Variants in C10orf90 observed in about 807,000 individuals in gnomAD.
C10orf90 encodes (E2-independent) E3 ubiquitin-conjugating enzyme FATS.
C10orf90 carries 56 observed loss-of-function variants against 62.5 expected under a neutral mutation model. That is an observed-to-expected ratio of 0.90 (90% CI 0.72 to 1.12). C10orf90 has a LOEUF of 1.12. C10orf90 is among the 50% of genes most tolerant of loss of function. The pLI is 0.00. For missense variants in C10orf90, 970 were observed against 880.4 expected, an observed-to-expected ratio of 1.10 and a Z score of -1.29; for synonymous variants, 386 against 340.4, an observed-to-expected ratio of 1.13 and a Z score of -1.47.
At chr10:126,558,411 C>T (rs571586412) in intron 2 of C10orf90, among the ~76,000 whole-genome samples, 8 of 152,312 alleles carry the variant, frequency 5.3e-5, no homozygotes, top group African/African-American at 1.9e-4. Flanking sequence ...TCCCACCTGG[C>T]CAGCCTCATC....
intron 7 of C10orf90, among the ~76,000 whole-genome samples, chr10:126,442,507 A>C (rs1219004781): frequency 8.8e-6 from 1 of 113,144 alleles, no homozygotes. Flanking sequence ...ATATATATAT[A>C]TCTGTTAAGT....
chr10:126,578,911 G>C (rs1241595142), intron 2 of C10orf90, among the ~76,000 whole-genome samples: 1 of 152,134 alleles, frequency 6.6e-6, no homozygotes, highest in Non-Finnish European at 1.5e-5. Context: ...ATCCCAGAAG[G>C]GAGTGGCTAA....
At chr10:126,449,789 G>T (rs1054833302) in intron 7 of C10orf90, among the ~76,000 whole-genome samples, 1 of 152,114 alleles carries the variant, frequency 6.6e-6, no homozygotes, top group African/African-American at 2.4e-5. Context: ...ACAAGGTCAG[G>T]AGTTTGAAAC....
At chr10:126,571,508 C>A (rs1269658178) in intron 2 of C10orf90, among the ~76,000 whole-genome samples, 1 of 152,188 alleles carries the variant, frequency 6.6e-6, no homozygotes, top group Admixed American at 6.5e-5. Flanking sequence ...CATACCTGCA[C>A]CCTGGAAGGA....
chr10:126,487,372 A>G (rs1000898312), intron 4 of C10orf90, among the ~76,000 whole-genome samples: 1 of 152,200 alleles, frequency 6.6e-6, no homozygotes, highest in Non-Finnish European at 1.5e-5. Flanking sequence ...GTAATGAAGC[A>G]TAACACTAAG....
At chr10:126,631,202 C>G (rs928280243) in intron 2 of C10orf90, among the ~76,000 whole-genome samples, 22 of 152,192 alleles carry the variant, frequency 1.4e-4, no homozygotes, top group African/African-American at 5.3e-4. Context: ...TTAGCAGCTT[C>G]TCCTGCACCA....
chr10:126,655,177 G>A (rs1270563045), intron 1 of C10orf90, among the ~76,000 whole-genome samples: 1 of 152,064 alleles, frequency 6.6e-6, no homozygotes, highest in African/African-American at 2.4e-5. Flanking sequence ...AATTAGCTGG[G>A]CATGGTGGCA....
intron 7 of C10orf90, among the ~76,000 whole-genome samples, chr10:126,450,057 C>T (rs1859071755): frequency 6.7e-6 from 1 of 148,968 alleles, no homozygotes. Flanking sequence ...AAAAAGAAAT[C>T]AAGAAAACAA....
At chr10:126,627,928 G>C (rs1421205630) in intron 2 of C10orf90, among the ~76,000 whole-genome samples, 3 of 152,178 alleles carry the variant, frequency 2.0e-5, no homozygotes, top group Non-Finnish European at 4.4e-5. Flanking sequence ...GAATAGTGCT[G>C]GTTGATTTCT....
chr10:126,538,494 T>C (rs75645408), intron 2 of C10orf90, among the ~76,000 whole-genome samples: 1 of 152,316 alleles, frequency 6.6e-6, no homozygotes, highest in East Asian at 1.9e-4. Flanking sequence ...TCCAGAACTG[T>C]GCATCAATAA....
At chr10:126,597,159 T>C (rs2164584) in intron 2 of C10orf90, among the ~76,000 whole-genome samples, 23,724 of 152,222 alleles carry the variant, frequency 0.16, 3,788 homozygotes, top group African/African-American at 0.4. Context: ...CTTATAAAGT[T>C]AAATATATGT....
intron 2 of C10orf90, among the ~76,000 whole-genome samples, chr10:126,603,464 C>T (rs1392930180): frequency 6.6e-6 from 1 of 152,134 alleles, no homozygotes; most frequent in African/African-American, 2.4e-5. Flanking sequence ...ATGGGAATTA[C>T]AATTCAAGAT....
At chr10:126,528,858 C>G (rs1240860091) in intron 2 of C10orf90, among the ~76,000 whole-genome samples, 1 of 152,114 alleles carries the variant, frequency 6.6e-6, no homozygotes, top group African/African-American at 2.4e-5. Context: ...ATAAGTCAAA[C>G]CTAGGTAGGC....
chr10:126,469,174 C>A (rs1860439781), intron 4 of C10orf90, among the ~76,000 whole-genome samples: 1 of 152,136 alleles, frequency 6.6e-6, no homozygotes, highest in Admixed American at 6.6e-5. Context: ...TACAGCTGCC[C>A]AGGGAATTTT....
intron 2 of C10orf90, among the ~76,000 whole-genome samples, chr10:126,527,872 G>A (rs1355680746): frequency 1.3e-5 from 2 of 152,200 alleles, no homozygotes; most frequent in East Asian, 3.8e-4. Flanking sequence ...AGGTATCAAA[G>A]TCACGGCATG....
chr10:126,643,602 G>T (rs935345879), intron 2 of C10orf90, among the ~76,000 whole-genome samples: 1 of 152,130 alleles, frequency 6.6e-6, no homozygotes, highest in Non-Finnish European at 1.5e-5. Context: ...TCCAGGTAAG[G>T]GTCCGCACGC....
chr10:126,536,869 G>A (rs773239911), intron 2 of C10orf90, among the ~76,000 whole-genome samples: 1 of 152,166 alleles, frequency 6.6e-6, no homozygotes, highest in Non-Finnish European at 1.5e-5. Context: ...GCTTCTGAGG[G>A]CTGGATTGGG....
At chr10:126,576,457 T>C (rs570244154) in intron 2 of C10orf90, among the ~76,000 whole-genome samples, 8 of 151,908 alleles carry the variant, frequency 5.3e-5, no homozygotes, top group Non-Finnish European at 1.2e-4. Flanking sequence ...AAACTCTTTA[T>C]ACACTGTTGG....
chr10:126,581,947 G>A (rs569169247), intron 2 of C10orf90, among the ~76,000 whole-genome samples: 5 of 152,140 alleles, frequency 3.3e-5, no homozygotes, highest in Non-Finnish European at 5.9e-5. Context: ...GTGATTCGGC[G>A]GGTGGCAGCT....
Sources: gnomAD v4.1 joint callset for allele counts (sites outside exome capture counted in the v4.1 genomes callset) on GRCh38, gnomAD v4.1.1 for gene constraint, MANE v1.5 for transcripts, NCBI Gene and HGNC (gene_info 2026-07-23, HGNC 2026-07-21) for gene names.